The following FMN1 variants were observed in gnomAD, a reference collection of about 807,000 sequenced individuals.
FMN1 encodes the protein formin-1.
FMN1 carries 110 observed loss-of-function variants against 132.4 expected under a neutral mutation model. The ratio of observed to expected loss-of-function variants is 0.83; its 90% CI spans 0.71 to 0.97. The LOEUF (loss-of-function observed/expected upper bound fraction) is 0.97. Ranked by LOEUF, FMN1 falls within the 50% of genes least tolerant of loss-of-function variation. FMN1 has a pLI of 0.00. For synonymous variants in FMN1, 722 were observed against 651.7 expected (o/e 1.11, Z -1.64); for missense variants, 1,792 against 1,705.3 (o/e 1.05, Z -0.90).
At chr15:32,940,351 A>G (rs1357945031) in intron 9 of FMN1, among the ~76,000 whole-genome samples, 1 of 151,956 alleles carries the variant, frequency 6.6e-6, no homozygotes, top group African/African-American at 2.4e-5. Flanking sequence ...CGGTCCTCAC[A>G]ATACGCAAAT....
At chr15:33,029,502 T>C (rs1309434892) in intron 6 of FMN1, among the ~76,000 whole-genome samples, 1 of 152,080 alleles carries the variant, frequency 6.6e-6, no homozygotes. Context: ...TGTTTGTAAC[T>C]AGAAACCACA....
intron 5 of FMN1, among the ~76,000 whole-genome samples, chr15:33,081,467 T>A (rs1041086041): frequency 1.3e-5 from 2 of 152,136 alleles, no homozygotes; most frequent in Non-Finnish European, 2.9e-5. Flanking sequence ...GCCTGAGGAA[T>A]CTAGTGTCCC....
At position 32,785,136 on chromosome 15, in the gene FMN1, GT is replaced by G. The variant is rs1158804856; in HGVS notation, c.4131-8218del. ...GTAACTCTTAAGTATGATGCTAGGGGTGTGTGTGTGTGTGTGTATACGTACG... is the reference window on the plus strand; with the variant it reads ...GTAACTCTTAAGTATGATGCTAGGGGGTGTGTGTGTGTGTGTATACGTACG... On this transcript the variant is annotated intron_variant, in intron 19 of 20. Coordinates refer to ENST00000616417, the MANE Select transcript of FMN1 (RefSeq NM_001277313.2). Among the ~76,000 whole-genome samples, 381 of 124,160 alleles carry G rather than the reference GT, an allele frequency of 3.1e-3. 6 individuals carry two copies. The highest frequency in any genetic ancestry group is 7.9e-3 in the African/African-American group (293 of 36,934). The allele number at this position is 124,160 out of a possible 152,430, so 81.5% of individuals were successfully genotyped here. A position where few individuals can be genotyped will look rare whatever the true frequency, so the allele number is the denominator to read the frequency against.
intron 15 of FMN1, among the ~76,000 whole-genome samples, chr15:32,897,138 T>C (rs748677348): frequency 1.3e-5 from 2 of 152,204 alleles, no homozygotes; most frequent in Admixed American, 6.5e-5. Context: ...AAAGGCATGA[T>C]GGGCTATCTC....
chr15:33,124,374 A>G (rs1595526585), intron 4 of FMN1, among the ~76,000 whole-genome samples: 1 of 152,124 alleles, frequency 6.6e-6, no homozygotes, highest in Admixed American at 6.6e-5. Flanking sequence ...ATCAATGAGT[A>G]GGACCCTCTG....
Position 33,061,422 on chromosome 15 carries a change from T to C in FMN1, c.2161+3535A>G, listed in dbSNP as rs113838617. On this transcript the variant is annotated intron_variant, in intron 6 of 20. Coordinates refer to ENST00000616417, the MANE Select transcript of FMN1 (RefSeq NM_001277313.2). ...GATATTTAGGAAAAAATACAAGATA[T>C]ATACATATATACAAATATATATTTA... 2.3e-3 allele frequency among the ~76,000 whole-genome samples: 346 copies of C among 152,118 alleles called. 1 individual carries two copies. The highest frequency in any genetic ancestry group is 6.4e-3 in the African/African-American group (266 of 41,540).
intron 18 of FMN1, among the ~76,000 whole-genome samples, chr15:32,803,332 T>C (rs2057544349): frequency 6.6e-6 from 1 of 152,170 alleles, no homozygotes. Context: ...CGCTGTCTAT[T>C]GCCACTCACT....
intron 19 of FMN1, among the ~76,000 whole-genome samples, chr15:32,790,652 A>C (rs954857027): frequency 6.6e-6 from 1 of 152,112 alleles, no homozygotes; most frequent in African/African-American, 2.4e-5. Context: ...ATCTCCTCTA[A>C]AACTATCTGC....
At chr15:33,028,532 TAA>T (rs547856895) in intron 6 of FMN1, among the ~76,000 whole-genome samples, 2 of 130,998 alleles carry the variant, frequency 1.5e-5, no homozygotes, top group Non-Finnish European at 3.4e-5. Flanking sequence ...AAAATAAAAA[TAA>T]AAATAAATAA....
rs10645453 is a variant in FMN1 at position 32,962,105 on chromosome 15, T to TTTATTATTATTATTATTA, written c.3138+1984_3138+2001dup. 1.4e-3 allele frequency among the ~76,000 whole-genome samples: 206 copies of TTTATTATTATTATTATTA among 150,860 alleles called. 1 individual carries two copies. The highest frequency in any genetic ancestry group is 4.9e-3 in the African/African-American group (200 of 40,962). On this transcript the variant is annotated intron_variant, in intron 9 of 20. Transcript: ENST00000616417. ...TAATATAAGCTCCACAGGGCAAGGA[T>TTTATTATTATTATTATTA]TTATTATTATTATTATTATTATTAT...
At chr15:33,024,072 C>T (rs532285580) in intron 6 of FMN1, among the ~76,000 whole-genome samples, 166 of 151,956 alleles carry the variant, frequency 1.1e-3, no homozygotes, top group African/African-American at 3.8e-3. Context: ...GGATAGCAAC[C>T]ATTAGAAAAA....
At chr15:32,920,837 C>T (rs1213196148) in intron 10 of FMN1, among the ~76,000 whole-genome samples, 6 of 152,332 alleles carry the variant, frequency 3.9e-5, no homozygotes, top group South Asian at 2.1e-4. Flanking sequence ...ATCCCTCATA[C>T]GTGGTCTCTT....
At chr15:33,012,254 T>C in intron 6 of FMN1, 1 of 701,112 alleles carries the variant, frequency 1.4e-6, no homozygotes, top group Admixed American at 1.8e-5. Context: ...AACTGTGTGG[T>C]AATGAGATCC....
chr15:33,111,240 C>G (rs2039691105), intron 4 of FMN1, among the ~76,000 whole-genome samples: 1 of 152,104 alleles, frequency 6.6e-6, no homozygotes, highest in South Asian at 2.1e-4. Flanking sequence ...AATAAAAAAA[C>G]TTAAAGGATC....
At chr15:32,962,819 C>T (rs2030735911) in intron 9 of FMN1, among the ~76,000 whole-genome samples, 2 of 151,694 alleles carry the variant, frequency 1.3e-5, no homozygotes, top group African/African-American at 4.9e-5. Flanking sequence ...GTTAGAATGG[C>T]AATCATTAAA....
intron 7 of FMN1, among the ~76,000 whole-genome samples, chr15:32,988,633 C>G (rs1198002978): frequency 6.6e-6 from 1 of 152,196 alleles, no homozygotes; most frequent in Non-Finnish European, 1.5e-5. Flanking sequence ...CATGGTGCTT[C>G]TATCAGTTTC....
intron 4 of FMN1, among the ~76,000 whole-genome samples, chr15:33,110,049 T>C (rs757925425): frequency 8.6e-5 from 13 of 152,002 alleles, no homozygotes; most frequent in East Asian, 1.9e-4. Context: ...AAAAAGTATA[T>C]TGAATAAAAT....
intron 7 of FMN1, among the ~76,000 whole-genome samples, chr15:32,995,892 G>T (rs916128187): frequency 6.6e-6 from 1 of 152,196 alleles, no homozygotes; most frequent in Non-Finnish European, 1.5e-5. Context: ...AGGCAATAAT[G>T]GAAATGAGCA....
At chr15:32,814,105 G>A (rs888943416) in intron 17 of FMN1, among the ~76,000 whole-genome samples, 6 of 152,134 alleles carry the variant, frequency 3.9e-5, no homozygotes, top group African/African-American at 1.4e-4. Context: ...TCTGGTGAGA[G>A]ACTCATTAAC....
Sources: gnomAD v4.1 joint callset for allele counts (sites outside exome capture counted in the v4.1 genomes callset) on GRCh38, gnomAD v4.1.1 for gene constraint, MANE v1.5 for transcripts, NCBI Gene and HGNC (gene_info 2026-07-23, HGNC 2026-07-21) for gene names.